The following FAAH2 variants were observed in gnomAD, a reference collection of about 807,000 sequenced individuals.
FAAH2 encodes fatty-acid amide hydrolase 2.
FAAH2 carries 60 observed loss-of-function variants against 36.9 expected under a neutral mutation model. That is an observed-to-expected ratio of 1.63 (90% CI 1.32 to 2.02). The LOEUF (loss-of-function observed/expected upper bound fraction) is 2.02, where lower values mean the gene tolerates loss of function less well. FAAH2 is among the 30% of genes most tolerant of loss of function. The pLI is 0.00. For missense variants in FAAH2, 689 were observed against 397.5 expected (o/e 1.73, Z -6.23); for synonymous variants, 214 against 143.8 (o/e 1.49, Z -3.49).
the FAAH2 span, among the ~76,000 whole-genome samples, chrX:57,199,884 T>C: frequency 1.8e-5 from 2 of 112,271 alleles, no homozygotes; most frequent in Non-Finnish European, 3.8e-5. Context: ...GAAATTTATT[T>C]TTTCTGATAT....
chrX:57,158,960 G>A, the FAAH2 span, among the ~76,000 whole-genome samples: 1 of 112,300 alleles, frequency 8.9e-6, no homozygotes, highest in African/African-American at 3.2e-5. Context: ...TTTCTTCTAG[G>A]ATTTTTATGG....
the FAAH2 span, among the ~76,000 whole-genome samples, chrX:57,267,020 C>A: frequency 8.9e-6 from 1 of 111,911 alleles, no homozygotes; most frequent in South Asian, 3.8e-4. Context: ...GGGGCCCCAT[C>A]CTGGCCATGC....
At chrX:57,232,934 C>T in the FAAH2 span, among the ~76,000 whole-genome samples, 1 of 112,152 alleles carries the variant, frequency 8.9e-6, no homozygotes, top group African/African-American at 3.2e-5. Context: ...TAACTGCTCC[C>T]CTTGAGCCCT....
At chrX:57,353,502 A>AAG (rs1389837728) in intron 5 of FAAH2, among the ~76,000 whole-genome samples, 21 of 105,069 alleles carry the variant, frequency 2.0e-4, no homozygotes, top group Middle Eastern at 4.8e-3. Context: ...AAAAAAAAAG[A>AAG]AAAAAAAGAA....
chrX:57,394,362 G>C, intron 7 of FAAH2: 1 of 1,184,314 alleles, frequency 8.4e-7, no homozygotes, highest in Non-Finnish European at 1.1e-6. Context: ...TGCTTCAGGC[G>C]TTCTAGTGCT....
intron 5 of FAAH2, among the ~76,000 whole-genome samples, chrX:57,353,695 G>C (rs2054089006): frequency 9.0e-6 from 1 of 110,648 alleles, no homozygotes; most frequent in African/African-American, 3.3e-5. Context: ...GAAAGTATTT[G>C]CAAATTATTC....
the FAAH2 span, chrX:57,136,760 C>T: frequency 3.5e-6 from 1 of 285,422 alleles, no homozygotes. Flanking sequence ...GCAGTGCTCT[C>T]CCTCTTAAGT....
At chrX:57,311,631 G>C (rs2052697123) in intron 3 of FAAH2, among the ~76,000 whole-genome samples, 1 of 111,988 alleles carries the variant, frequency 8.9e-6, no homozygotes, top group African/African-American at 3.2e-5. Context: ...TCTGACCCAG[G>C]AGAGAGCAGA....
chrX:57,395,323 G>A (rs1240374205), intron 7 of FAAH2: 1 of 659,800 alleles, frequency 1.5e-6, no homozygotes, highest in Non-Finnish European at 2.5e-6. Flanking sequence ...CCAGGTACTT[G>A]TCCTTCAACT....
At chrX:57,429,972 G>A (rs996912103) in intron 7 of FAAH2, among the ~76,000 whole-genome samples, 13 of 111,062 alleles carry the variant, frequency 1.2e-4, no homozygotes, top group Non-Finnish European at 2.1e-4. Context: ...ATAAGTGAGA[G>A]CTAAATAATG....
At chrX:57,177,248 T>A in the FAAH2 span, among the ~76,000 whole-genome samples, 1 of 109,350 alleles carries the variant, frequency 9.1e-6, no homozygotes, top group Admixed American at 9.9e-5. Context: ...TACAGGTCAA[T>A]GGGAAAGCAA....
At chrX:57,259,175 G>A in the FAAH2 span, among the ~76,000 whole-genome samples, 2 of 111,799 alleles carry the variant, frequency 1.8e-5, no homozygotes, top group African/African-American at 6.5e-5. Context: ...TAGTCATTAT[G>A]AAAAACAGCA....
chrX:57,424,153 G>A (rs995301648), intron 7 of FAAH2, among the ~76,000 whole-genome samples: 3 of 111,880 alleles, frequency 2.7e-5, no homozygotes, highest in Non-Finnish European at 3.8e-5. Flanking sequence ...TTATGACTAA[G>A]AAAATTAAAC....
intron 5 of FAAH2, among the ~76,000 whole-genome samples, chrX:57,346,487 C>A (rs866724967): frequency 1.8e-5 from 2 of 111,853 alleles, no homozygotes; most frequent in Middle Eastern, 4.6e-3. Context: ...TTCTCCATCG[C>A]GTTGCTTTGA....
chrX:57,419,955 G>C (rs1309279010), intron 7 of FAAH2, among the ~76,000 whole-genome samples: 1 of 111,913 alleles, frequency 8.9e-6, no homozygotes, highest in Non-Finnish European at 1.9e-5. Context: ...AGTTTTCCCA[G>C]CAGCATTTAT....
At chrX:57,165,657 A>T in the FAAH2 span, among the ~76,000 whole-genome samples, 1 of 111,079 alleles carries the variant, frequency 9.0e-6, no homozygotes, top group Non-Finnish European at 1.9e-5. Flanking sequence ...AACCTGCAGA[A>T]TGTGCACATG....
chrX:57,441,542 C>A (rs2056556008), intron 8 of FAAH2, among the ~76,000 whole-genome samples: 1 of 109,264 alleles, frequency 9.2e-6, no homozygotes, highest in Admixed American at 9.8e-5. Flanking sequence ...TTGATCTTTT[C>A]AAAAAAACCA....
intron 7 of FAAH2, among the ~76,000 whole-genome samples, chrX:57,418,709 GTATA>G (rs35893249): frequency 9.5e-6 from 1 of 105,286 alleles, no homozygotes; most frequent in Non-Finnish European, 1.9e-5. Context: ...TTCTTTCAAA[GTATA>G]TATATATATA....
At chrX:57,452,365 A>G (rs1315785661) in intron 10 of FAAH2, 2 of 735,322 alleles carry the variant, frequency 2.7e-6, no homozygotes, top group African/African-American at 2.3e-5. Context: ...TACCCATGCC[A>G]GTCATTAACA....
Sources: allele counts gnomAD v4.1 joint callset (sites outside exome capture counted in the v4.1 genomes callset), GRCh38; gene constraint gnomAD v4.1.1; transcripts MANE v1.5; gene names NCBI Gene and HGNC (gene_info 2026-07-23, HGNC 2026-07-21).